Variants in CHN2 observed in about 807,000 individuals in gnomAD.
CHN2 encodes the protein chimerin 2.
CHN2 carries 35 observed loss-of-function variants against 56.3 expected under a neutral mutation model. The ratio of observed to expected loss-of-function variants is 0.62; its 90% confidence interval spans 0.47 to 0.82. The LOEUF is 0.82. Ranked by LOEUF, CHN2 falls within the 40% of genes least tolerant of loss-of-function variation. The pLI is 0.00. For synonymous variants in CHN2, 210 were observed against 212.8 expected (o/e 0.99, Z 0.12); for missense variants, 491 against 580.5 (o/e 0.85, Z 1.58).
At chr7:29,273,103 C>T (rs540733315) in intron 1 of CHN2, among the ~76,000 whole-genome samples, 3 of 151,838 alleles carry the variant, frequency 2.0e-5, no homozygotes, top group South Asian at 2.1e-4. Context: ...TACATCTTTC[C>T]GTTTTCTCTC....
intron 1 of CHN2, chr7:29,292,854 G>C: frequency 2.2e-6 from 1 of 455,170 alleles, no homozygotes; most frequent in Non-Finnish European, 4.4e-6. Context: ...CTAGTCTTGG[G>C]GAAGAAAATA....
intron 1 of CHN2, among the ~76,000 whole-genome samples, chr7:29,296,219 G>T (rs1793148074): frequency 6.6e-6 from 1 of 151,844 alleles, no homozygotes; most frequent in South Asian, 2.1e-4. Flanking sequence ...AAGTAGCTGG[G>T]ATTACAGGCG....
chr7:29,164,779 C>CAAAAAAAAA (rs55742522), intron 2 of CHN2, among the ~76,000 whole-genome samples: 1 of 85,880 alleles, frequency 1.2e-5, no homozygotes, highest in South Asian at 4.5e-4. Flanking sequence ...AGACCTGTCT[C>CAAAAAAAAA]AAAAAAAAAA....
chr7:29,489,941 G>A (rs1047001005), intron 7 of CHN2, among the ~76,000 whole-genome samples: 2 of 152,072 alleles, frequency 1.3e-5, no homozygotes, highest in Non-Finnish European at 2.9e-5. Flanking sequence ...TGAAACAATA[G>A]GCCAGTTTAT....
chr7:29,335,721 T>C (rs924718596), intron 1 of CHN2: 1 of 152,242 alleles, frequency 6.6e-6, no homozygotes, highest in Non-Finnish European at 1.5e-5. Context: ...TGCCAGCTTG[T>C]GCCTGACTAG....
rs377629191 is a variant in CHN2, at chr7:29,155,105, A to G, written c.274+8145A>G. 1.8e-4 allele frequency among the ~76,000 whole-genome samples: 28 copies of G among 152,204 alleles called. No individual in the cohort carries two copies. In the South Asian group the frequency reaches 5.4e-3, roughly 29 times the overall value. On this transcript the variant is annotated intron_variant, in intron 2 of 6. Transcript: ENST00000439384. ...GCACAGGACCTGCCCCCATGATTCA[A>G]TTACCTCCCACCAGGTCCCTCCCAC...
At chr7:29,215,644 AG>A (rs1785280154) in intron 1 of CHN2, among the ~76,000 whole-genome samples, 1 of 152,018 alleles carries the variant, frequency 6.6e-6, no homozygotes, top group Non-Finnish European at 1.5e-5. Flanking sequence ...ATGTCATTCC[AG>A]GGCAAGGATT....
intron 2 of CHN2, among the ~76,000 whole-genome samples, chr7:29,159,402 A>C (rs1794876148): frequency 6.6e-6 from 1 of 152,206 alleles, no homozygotes. Context: ...TCTATACCAG[A>C]ATAATGTTTT....
In CHN2 at chr7:29,507,178, T is replaced by G. The variant is rs768465490; in HGVS notation, c.992-50T>G. 7.3e-6 allele frequency: 11 copies of G among 1,507,602 alleles called. No homozygotes were observed. In the African/African-American group the frequency reaches 9.9e-5, roughly 14 times the overall value. The allele number at this position is 1,507,602 out of a possible 1,614,324, so 93.4% of individuals were successfully genotyped here. On this transcript the variant is annotated intron_variant, in intron 10 of 12. Transcript: ENST00000222792. ...TTTTTTTTTCCTTTCTGTACATGCC[T>G]TGGTGAAATAAGGTCCTAATTAGGA...
chr7:29,336,665 C>T (rs981755704), intron 1 of CHN2, among the ~76,000 whole-genome samples: 1 of 143,962 alleles, frequency 6.9e-6, no homozygotes, highest in African/African-American at 2.6e-5. Context: ...GAGTCTGAGG[C>T]AGAAGGATCT....
chr7:29,279,883 T>A lies in CHN2; in HGVS notation c.50-74742T>A, dbSNP rs1316507306. Among the ~76,000 whole-genome samples, 5 of 152,176 alleles carry A rather than the reference T, an allele frequency of 3.3e-5. No homozygotes were observed. The South Asian group carries it at 1.0e-3, about 32-fold the overall frequency. The stretch of plus-strand genomic sequence containing the variant: ...AATCAAGTCTGTTTTAGCAAAATGA[T>A]TCTAGCAGCAGTGGGGGTCTGAATT... On this transcript the variant is annotated intron_variant, in intron 1 of 12. Transcript: ENST00000222792.
chr7:29,413,987 C>G (rs188905155), intron 6 of CHN2, among the ~76,000 whole-genome samples: 1 of 152,212 alleles, frequency 6.6e-6, no homozygotes, highest in South Asian at 2.1e-4. Context: ...ACACACATGC[C>G]TGCCTCTGTG....
At chr7:29,453,314 C>T (rs1187767730) in intron 6 of CHN2, among the ~76,000 whole-genome samples, 1 of 152,204 alleles carries the variant, frequency 6.6e-6, no homozygotes, top group Non-Finnish European at 1.5e-5. Flanking sequence ...CCCCCATAAT[C>T]TCCTTTTTTG....
At chr7:29,166,883 T>C (rs1246632197) in intron 2 of CHN2, among the ~76,000 whole-genome samples, 1 of 152,144 alleles carries the variant, frequency 6.6e-6, no homozygotes, top group East Asian at 1.9e-4. Flanking sequence ...ATATTTATAA[T>C]AGTTCTTTTA....
intron 1 of CHN2, among the ~76,000 whole-genome samples, chr7:29,308,464 T>G (rs201415753): frequency 1.1e-3 from 2 of 1,782 alleles, no homozygotes; most frequent in Admixed American, 7.8e-3. Flanking sequence ...GTGGTTGGGG[T>G]GTGTGTGTGT....
At chr7:29,415,444 T>C (rs1201194137) in intron 6 of CHN2, among the ~76,000 whole-genome samples, 1 of 152,236 alleles carries the variant, frequency 6.6e-6, no homozygotes, top group African/African-American at 2.4e-5. Context: ...TTCTATGCTA[T>C]TTTGGGTGGA....
intron 8 of CHN2, among the ~76,000 whole-genome samples, chr7:29,497,014 A>C (rs1166937271): frequency 6.6e-6 from 1 of 152,222 alleles, no homozygotes; most frequent in African/African-American, 2.4e-5. Context: ...TTTGGCTCAC[A>C]GCATCCCGTA....
intron 1 of CHN2, among the ~76,000 whole-genome samples, chr7:29,198,446 C>T (rs1783911504): frequency 6.6e-6 from 1 of 152,096 alleles, no homozygotes; most frequent in Non-Finnish European, 1.5e-5. Context: ...AATCAGGTTA[C>T]AATTAATTTA....
chr7:29,228,720 A>G (rs769421732), intron 1 of CHN2, among the ~76,000 whole-genome samples: 5 of 152,252 alleles, frequency 3.3e-5, no homozygotes, highest in African/African-American at 1.2e-4. Context: ...AAATAAATAC[A>G]TCAAGGGCAG....
Sources: gnomAD v4.1 joint callset for allele counts (sites outside exome capture counted in the v4.1 genomes callset) on GRCh38, gnomAD v4.1.1 for gene constraint, MANE v1.5 for transcripts, NCBI Gene and HGNC (gene_info 2026-07-23, HGNC 2026-07-21) for gene names.